Variants in COL24A1 observed in about 807,000 individuals in gnomAD.
COL24A1 encodes the protein collagen type XXIV alpha 1 chain.
In COL24A1, 224 loss-of-function variants were observed where a neutral mutation model predicts 253.9. The observed-to-expected ratio is 0.88, with a 90% confidence interval of 0.79 to 0.99. The LOEUF (loss-of-function observed/expected upper bound fraction) is 0.99. Among genes scored for constraint, COL24A1 ranks in the 50% least tolerant of loss-of-function variants. The probability of loss-of-function intolerance (pLI) is 0.00; values close to 1 mark genes in which losing one functional copy is unlikely to be tolerated. For synonymous variants in COL24A1, 685 were observed against 673.7 expected (o/e 1.02, Z -0.26); for missense variants, 2,131 against 2,068.5 (o/e 1.03, Z -0.59).
At position 85,784,179 on chromosome 1, in the gene COL24A1, T is replaced by C; in HGVS notation, c.4168-13A>G. On this transcript the variant is annotated splice_polypyrimidine_tract_variant and intron_variant, in intron 49 of 59. Coordinates refer to ENST00000370571, the MANE Select transcript of COL24A1 (RefSeq NM_152890.7). ...CACCATATTCTCCCTGCAAAGTGAA[T>C]TGACATGATAATAATTATTGTACAA... is the stretch of plus-strand genomic sequence containing the variant. The C allele has an allele frequency of 1.9e-6, 3 of 1,613,420 alleles. No individual in the cohort carries two copies. The highest frequency in any genetic ancestry group is 2.5e-6 in the Non-Finnish European group (3 of 1,179,492).
intron 37 of COL24A1, among the ~76,000 whole-genome samples, chr1:85,854,037 A>T (rs1678123088): frequency 6.6e-6 from 1 of 152,112 alleles, no homozygotes; most frequent in Non-Finnish European, 1.5e-5. Flanking sequence ...AAGTCTTTGC[A>T]AGGGCTGATG....
rs67386357 is a variant in COL24A1 at position 85,767,103 on chromosome 1, C to CAATAATAATAATAATAAT, written c.4375-5555_4375-5538dup. Among the ~76,000 whole-genome samples the CAATAATAATAATAATAAT allele has an allele frequency of 8.2e-5, 12 of 145,658 alleles. No individual in the cohort carries two copies. In the South Asian group the frequency reaches 9.0e-4, roughly 11 times the overall value. ...TGGGTGACAGAGTGAGACTCCGTCTCAATAATAATAATAATAATAATAATA... is the reference window on the plus strand; with the variant it reads ...TGGGTGACAGAGTGAGACTCCGTCTCAATAATAATAATAATAATAATAATAATAATAATAATAATAATA... On this transcript the variant is annotated intron_variant, in intron 53 of 59. Coordinates refer to ENST00000370571, the MANE Select transcript of COL24A1 (RefSeq NM_152890.7).
chr1:86,147,110 T>C (rs1023165806), intron 1 of COL24A1, among the ~76,000 whole-genome samples: 2 of 152,150 alleles, frequency 1.3e-5, no homozygotes, highest in African/African-American at 4.8e-5. Context: ...AAGGAGTGAT[T>C]ATGGAGCTGT....
At chr1:86,154,630 T>C (rs2102475069) in intron 1 of COL24A1, 1 of 152,848 alleles carries the variant, frequency 6.5e-6, no homozygotes, top group Middle Eastern at 3.4e-3. Flanking sequence ...GCAGGGCCTT[T>C]TCTGGGAGCG....
intron 5 of COL24A1, among the ~76,000 whole-genome samples, chr1:86,103,364 T>C (rs552103942): frequency 9.2e-5 from 14 of 152,356 alleles, no homozygotes; most frequent in African/African-American, 3.4e-4. Context: ...TTGAGACATT[T>C]AGCCTGTTTA....
intron 7 of COL24A1, among the ~76,000 whole-genome samples, chr1:86,074,523 C>T (rs1235913539): frequency 1.3e-5 from 2 of 152,098 alleles, no homozygotes; most frequent in Non-Finnish European, 2.9e-5. Context: ...CTTTAACACC[C>T]CACTGTCAAT....
At chr1:86,089,084 A>G in intron 7 of COL24A1, 90 bp downstream of exon 7, 4 of 1,019,286 alleles carry the variant, frequency 3.9e-6, no homozygotes, top group Non-Finnish European at 4.3e-6. Flanking sequence ...TATATCATCC[A>G]ATTATGTTTC....
chr1:85,849,467 T>C, intron 37 of COL24A1, 61 bp from the exon 38 acceptor site: 4 of 1,195,998 alleles, frequency 3.3e-6, no homozygotes, highest in Non-Finnish European at 3.7e-6. Flanking sequence ...ATGGAGTATT[T>C]GAATACTTCT....
Position 85,799,104 on chromosome 1 carries a change from C to T in COL24A1, c.3952-12643G>A, listed in dbSNP as rs566857930. ...CACAGAAGGAAATTCACACAGGCAA[C>T]GGTGAGCCTCCCCTGTACTGTCCCT... On this transcript the variant is annotated intron_variant, in intron 47 of 59. Transcript: ENST00000370571. Among the ~76,000 whole-genome samples the T allele has an allele frequency of 2.5e-4, 38 of 152,032 alleles. 1 individual carries two copies. In the South Asian group the frequency reaches 7.1e-3, roughly 28 times the overall value.
intron 20 of COL24A1, among the ~76,000 whole-genome samples, chr1:85,983,827 C>A (rs139821145): frequency 2.0e-4 from 30 of 151,940 alleles, no homozygotes; most frequent in African/African-American, 5.8e-4. Flanking sequence ...AAACCAGATC[C>A]TTCTCAATCT....
chr1:85,890,275 T>C (rs768254211), intron 31 of COL24A1, among the ~76,000 whole-genome samples: 10 of 152,208 alleles, frequency 6.6e-5, no homozygotes, highest in Non-Finnish European at 1.2e-4. Context: ...GTGGAACTGA[T>C]AGATCATATG....
intron 7 of COL24A1, among the ~76,000 whole-genome samples, chr1:86,066,659 G>C (rs764058164): frequency 1.5e-4 from 23 of 152,114 alleles, no homozygotes; most frequent in Non-Finnish European, 3.1e-4. Flanking sequence ...ATCTGTTCTA[G>C]ATCCAGTTTT....
chr1:85,920,040 A>C (rs993268950), intron 24 of COL24A1, among the ~76,000 whole-genome samples: 1 of 152,228 alleles, frequency 6.6e-6, no homozygotes, highest in Non-Finnish European at 1.5e-5. Context: ...AAATAAAATT[A>C]AGCATATTTA....
At chr1:85,872,293 C>T (rs1046617981) in intron 35 of COL24A1, among the ~76,000 whole-genome samples, 1 of 152,094 alleles carries the variant, frequency 6.6e-6, no homozygotes, top group Non-Finnish European at 1.5e-5. Context: ...AGATTCAATA[C>T]CATCCCCATC....
rs118016797 is a variant in COL24A1, at chr1:86,053,886, A to G, written c.1852-3709T>C. 2.5e-3 allele frequency among the ~76,000 whole-genome samples: 378 copies of G among 152,290 alleles called. 10 individuals are homozygous for G. The East Asian group carries it at 0.046, about 19-fold the overall frequency. Reference sequence around the variant, plus strand: ...ATTTAGAATTTACCAGTAACAGGACACAAATTAAGTGAAAAACATGTATCC... The same window carrying G: ...ATTTAGAATTTACCAGTAACAGGACGCAAATTAAGTGAAAAACATGTATCC... On this transcript the variant is annotated intron_variant, in intron 10 of 59. Coordinates refer to ENST00000370571, the MANE Select transcript of COL24A1 (RefSeq NM_152890.7).
chr1:85,772,687 C>T (rs1435941261), intron 53 of COL24A1, among the ~76,000 whole-genome samples: 3 of 152,178 alleles, frequency 2.0e-5, no homozygotes, highest in African/African-American at 4.8e-5. Context: ...AGGGTCTGTT[C>T]ATATCCTTTG....
intron 10 of COL24A1, among the ~76,000 whole-genome samples, chr1:86,052,354 GAATA>G (rs1700373334): frequency 6.6e-6 from 1 of 151,998 alleles, no homozygotes; most frequent in Non-Finnish European, 1.5e-5. Flanking sequence ...ACAGATGAAT[GAATA>G]AACAAAATGT....
In COL24A1 at chr1:86,143,225, C is replaced by T. The variant is rs1325664471; in HGVS notation, c.121+2894G>A. On this transcript the variant is annotated intron_variant, in intron 2 of 59. Transcript: ENST00000370571. The stretch of plus-strand genomic sequence containing the variant: ...ATGACATAAGACTTCCAAGAAACTC[C>T]ATCTAACACAGATATCAGCTCTACT... Among the ~76,000 whole-genome samples, 2 of 152,112 alleles carry T rather than the reference C, an allele frequency of 1.3e-5. 1 individual carries two copies. The highest frequency in any genetic ancestry group is 4.8e-5 in the African/African-American group (2 of 41,416).
At chr1:86,055,550 T>C (rs1455944822) in intron 10 of COL24A1, among the ~76,000 whole-genome samples, 1 of 152,156 alleles carries the variant, frequency 6.6e-6, no homozygotes, top group African/African-American at 2.4e-5. Context: ...CAAAACGCAG[T>C]AAGAGTAAGT....
Sources: allele counts gnomAD v4.1 joint callset (sites outside exome capture counted in the v4.1 genomes callset), GRCh38; gene constraint gnomAD v4.1.1; transcripts MANE v1.5; gene names NCBI Gene and HGNC (gene_info 2026-07-23, HGNC 2026-07-21).